Variants in CFAP20DC observed in about 807,000 individuals in gnomAD.
CFAP20DC encodes the protein CFAP20 domain containing, also known as protein CFAP20DC.
CFAP20DC carries 84 observed loss-of-function variants against 101.7 expected under a neutral mutation model. That is an observed-to-expected ratio of 0.83 (90% confidence interval 0.69 to 0.99). The LOEUF is 0.99. CFAP20DC is among the 50% of genes least tolerant of loss of function. The pLI, the probability that CFAP20DC is intolerant of heterozygous loss-of-function variation, is 0.00. For synonymous variants in CFAP20DC, 359 were observed against 351.2 expected (o/e 1.02, Z -0.25); for missense variants, 1,007 against 970.3 (o/e 1.04, Z -0.50).
intron 4 of CFAP20DC, among the ~76,000 whole-genome samples, chr3:59,023,815 A>G (rs2109014196): frequency 6.6e-6 from 1 of 152,282 alleles, no homozygotes; most frequent in African/African-American, 2.4e-5. Context: ...CTGCAACATC[A>G]GCTTTATTTG....
intron 15 of CFAP20DC, among the ~76,000 whole-genome samples, chr3:58,763,536 C>T (rs896656182): frequency 6.6e-6 from 1 of 152,218 alleles, no homozygotes; most frequent in East Asian, 1.9e-4. Flanking sequence ...CTTTTCTCAA[C>T]TCGTCAAAGT....
intron 4 of CFAP20DC, among the ~76,000 whole-genome samples, chr3:58,990,362 T>C (rs1035549679): frequency 6.6e-6 from 1 of 152,232 alleles, no homozygotes; most frequent in Non-Finnish European, 1.5e-5. Context: ...TGGTTTTGTA[T>C]ACGTGTATTA....
intron 4 of CFAP20DC, among the ~76,000 whole-genome samples, chr3:58,940,049 G>A (rs1198812303): frequency 1.3e-5 from 2 of 152,202 alleles, no homozygotes; most frequent in Non-Finnish European, 2.9e-5. Flanking sequence ...TTACAGGCGT[G>A]AGCCACTGTG....
At chr3:58,832,767 T>C (rs922942121) in intron 13 of CFAP20DC, among the ~76,000 whole-genome samples, 1 of 152,188 alleles carries the variant, frequency 6.6e-6, no homozygotes, top group African/African-American at 2.4e-5. Flanking sequence ...TTTCATGGTA[T>C]AGGTGGAAAT....
In CFAP20DC at chr3:59,039,578, T is replaced by G; in HGVS notation, c.257A>C (p.Gln86Pro). Residue 86 changes from glutamine (Q) to proline (P), a missense_variant, in exon 4 of 17, where the codon CAA (glutamine) becomes CCA (proline). By Grantham distance (76) the Gln-to-Pro change is moderately conservative. Coordinates refer to ENST00000482387, the MANE Select transcript of CFAP20DC (RefSeq NM_001394063.1). ...LVLQIYVPLG[Q>P]DFSTELLITD... is the part of the protein sequence containing the mutation. ...TTACAGCAATTCAGTGGAGAAGTCTTGTCCCAGGGGTACGTAAATCTGAAG... is the reference window on the plus strand; with the variant it reads ...TTACAGCAATTCAGTGGAGAAGTCTGGTCCCAGGGGTACGTAAATCTGAAG... The G allele has an allele frequency of 2.6e-6, 4 of 1,527,094 alleles. No homozygotes were observed. The highest frequency in any genetic ancestry group is 3.5e-6 in the Non-Finnish European group (4 of 1,141,232). 94.6% of individuals were successfully genotyped at this position (1,527,094 alleles called of 1,614,324 possible). A position where few individuals can be genotyped will look rare whatever the true frequency, so the allele number is the denominator to read the frequency against.
At position 59,025,523 on chromosome 3, in the gene CFAP20DC, G is replaced by A. The variant is rs150094207; in HGVS notation, c.278+14034C>T. The stretch of plus-strand genomic sequence containing the variant: ...TAAAACTTATAAATTAAAATATACT[G>A]TGCACTTAGAATTTGGCATTATTGA... On this transcript the variant is annotated intron_variant, in intron 4 of 16. Coordinates refer to ENST00000482387, the MANE Select transcript of CFAP20DC (RefSeq NM_001394063.1). 2.6e-3 allele frequency among the ~76,000 whole-genome samples: 392 copies of A among 152,214 alleles called. 3 individuals are homozygous for A. The highest frequency in any genetic ancestry group is 0.014 in the Middle Eastern group (4 of 294).
rs1263095364 is a variant in CFAP20DC at position 58,722,508 on chromosome 3, G to T, written c.198-4880C>A. Among the ~76,000 whole-genome samples, 1 of 152,190 alleles carries T rather than the reference G, an allele frequency of 6.6e-6. No individual in the cohort carries two copies. Among genetic ancestry groups the T allele is most frequent in the Non-Finnish European group, 1.5e-5 (1 of 68,042 alleles). Reference sequence around the variant, plus strand: ...CATCAGATTGGAACTCAGAGGTTCTGTTTAAAGGACTCTAATTCTCTCTCG... The same window carrying T: ...CATCAGATTGGAACTCAGAGGTTCTTTTTAAAGGACTCTAATTCTCTCTCG... On this transcript the variant is annotated intron_variant, in intron 3 of 3. Transcript: ENST00000486145. The surrounding 1 kb of genome is among the most constrained non-coding windows in gnomAD (Gnocchi z 4.5).
intron 15 of CFAP20DC, among the ~76,000 whole-genome samples, chr3:58,777,130 G>A (rs980042998): frequency 2.7e-4 from 41 of 152,168 alleles, no homozygotes; most frequent in Admixed American, 2.2e-3. Flanking sequence ...AGAACTCAAA[G>A]TCATTCTTCT....
intron 4 of CFAP20DC, among the ~76,000 whole-genome samples, chr3:58,940,877 T>A (rs1559865697): frequency 1.3e-5 from 2 of 152,222 alleles, no homozygotes; most frequent in Non-Finnish European, 2.9e-5. Flanking sequence ...ATGATACTGA[T>A]CATGTCTACT....
At chr3:58,765,048 G>T (rs945478567) in intron 15 of CFAP20DC, among the ~76,000 whole-genome samples, 1 of 152,126 alleles carries the variant, frequency 6.6e-6, no homozygotes, top group African/African-American at 2.4e-5. Flanking sequence ...TGGCCGTAAA[G>T]GAATACCACA....
intron 4 of CFAP20DC, among the ~76,000 whole-genome samples, chr3:59,029,320 A>C (rs532458645): frequency 2.0e-5 from 3 of 152,216 alleles, no homozygotes; most frequent in Non-Finnish European, 4.4e-5. Flanking sequence ...TAATAATTAT[A>C]AACTGTTACA....
At chr3:58,919,321 G>C (rs2085085682) in intron 5 of CFAP20DC, among the ~76,000 whole-genome samples, 1 of 151,990 alleles carries the variant, frequency 6.6e-6, no homozygotes, top group African/African-American at 2.4e-5. Flanking sequence ...TCGTTCTTCT[G>C]TTTTGAACAG....
At chr3:58,929,026 C>T (rs1218389292) in intron 5 of CFAP20DC, among the ~76,000 whole-genome samples, 1 of 152,112 alleles carries the variant, frequency 6.6e-6, no homozygotes. Flanking sequence ...CCTATTATAG[C>T]TCCTTTCTTT....
At chr3:58,945,741 G>A (rs2089268574) in intron 4 of CFAP20DC, among the ~76,000 whole-genome samples, 1 of 150,438 alleles carries the variant, frequency 6.6e-6, no homozygotes, top group East Asian at 2.0e-4. Flanking sequence ...TCTGTCACTG[G>A]GCTGGAGTCC....
rs892469020 is a variant in CFAP20DC, at chr3:59,041,715, T to G, written c.206-2086A>C. ...GTCTGTCAGAAACAAACTACCTACT[T>G]TTTTTCTCCCACTTCAACACACAAA... On this transcript the variant is annotated intron_variant, in intron 3 of 16. Transcript: ENST00000482387. 2.0e-5 allele frequency among the ~76,000 whole-genome samples: 3 copies of G among 150,664 alleles called. No homozygotes were observed. In the South Asian group the frequency reaches 6.4e-4, roughly 32 times the overall value.
At chr3:58,966,554 C>A (rs1425728582) in intron 4 of CFAP20DC, among the ~76,000 whole-genome samples, 1 of 149,662 alleles carries the variant, frequency 6.7e-6, no homozygotes, top group African/African-American at 2.5e-5. Context: ...GACAGAGTCT[C>A]ACTCTGTAGC....
intron 13 of CFAP20DC, among the ~76,000 whole-genome samples, chr3:58,841,079 C>A (rs2077068329): frequency 6.6e-6 from 1 of 152,192 alleles, no homozygotes. Context: ...CAGCATGAGG[C>A]CAGTGGGCAC....
chr3:58,862,448 TG>T, intron 12 of CFAP20DC: 1 of 985,424 alleles, frequency 1.0e-6, no homozygotes. Flanking sequence ...TAAAAGGATT[TG>T]CAGTAGGTTA....
intron 6 of CFAP20DC, among the ~76,000 whole-genome samples, chr3:58,902,867 T>C (rs889988932): frequency 7.2e-5 from 11 of 152,330 alleles, no homozygotes; most frequent in African/African-American, 2.6e-4. Flanking sequence ...ACACTGTTTA[T>C]TTGTATTACT....
Sources: allele counts gnomAD v4.1 joint callset (sites outside exome capture counted in the v4.1 genomes callset), GRCh38; gene constraint gnomAD v4.1.1; non-coding constraint Gnocchi (gnomAD v3.1); transcripts MANE v1.5; gene names NCBI Gene and HGNC (gene_info 2026-07-23, HGNC 2026-07-21).